SPATA31F1: variants seen among roughly 807,000 people sequenced by gnomAD.
The protein encoded by SPATA31F1 is protein SPATA31F1.
chr9:34,728,266 A>AT, the SPATA31F1 span, among the ~76,000 whole-genome samples: 4 of 152,138 alleles, frequency 2.6e-5, no homozygotes, highest in Admixed American at 2.6e-4. Context: ...ATTTCATTTG[A>AT]TTTTTACAAC....
At chr9:34,729,022 G>A in the SPATA31F1 span, among the ~76,000 whole-genome samples, 1 of 152,302 alleles carries the variant, frequency 6.6e-6, no homozygotes, top group Non-Finnish European at 1.5e-5. Flanking sequence ...TATTCAGAGA[G>A]CTTCCGAGAT....
chr9:34,728,220 A>G, the SPATA31F1 span: 1 of 704,226 alleles, frequency 1.4e-6, no homozygotes, highest in Admixed American at 3.0e-5. Context: ...GGCATGTCTG[A>G]GTACAGCATC....
chr9:34,724,315 G>A, the SPATA31F1 span: 3 of 1,551,376 alleles, frequency 1.9e-6, no homozygotes, highest in South Asian at 1.2e-5. Flanking sequence ...ATTGCTTTTG[G>A]TTCTGCTGCA....
the SPATA31F1 span, chr9:34,726,143 C>G: frequency 5.2e-6 from 7 of 1,343,788 alleles, 1 homozygote; most frequent in South Asian, 4.0e-5. Context: ...GATGGGCTGG[C>G]CAGCCACACA....
chr9:34,723,095 A>G, the SPATA31F1 span: 1 of 1,045,106 alleles, frequency 9.6e-7, no homozygotes, highest in Non-Finnish European at 1.4e-6. Flanking sequence ...CATCTGTCCC[A>G]CCTGCACATT....
chr9:34,728,750 T>G, the SPATA31F1 span: 1 of 1,126,276 alleles, frequency 8.9e-7, no homozygotes, highest in Non-Finnish European at 1.3e-6. Flanking sequence ...TTCACTCGCT[T>G]TGTATATATC....
At chr9:34,724,713 GA>G in the SPATA31F1 span, 8 of 1,551,032 alleles carry the variant, frequency 5.2e-6, no homozygotes, top group Non-Finnish European at 8.7e-7. Flanking sequence ...TTGTTGCCTT[GA>G]GGGCATGGCC....
At chr9:34,728,756 A>G in the SPATA31F1 span, 1 of 1,076,550 alleles carries the variant, frequency 9.3e-7, no homozygotes. Flanking sequence ...CGCTTTGTAT[A>G]TATCTATCTG....
At chr9:34,727,897 C>G in the SPATA31F1 span, 22 of 859,704 alleles carry the variant, frequency 2.6e-5, no homozygotes, top group Non-Finnish European at 3.0e-5. Context: ...CCCAGTGTCC[C>G]TGCTTCCACT....
the SPATA31F1 span, chr9:34,723,858 C>T: frequency 6.4e-7 from 1 of 1,551,696 alleles, no homozygotes; most frequent in South Asian, 1.2e-5. Context: ...TCCCCAGGGA[C>T]TCGTGGAGGT....
chr9:34,725,848 G>C, the SPATA31F1 span: 1 of 1,551,694 alleles, frequency 6.4e-7, no homozygotes. Context: ...GATCCTTCAA[G>C]GGGGGCTTGG....
At chr9:34,727,981 C>A in the SPATA31F1 span, 1 of 1,538,430 alleles carries the variant, frequency 6.5e-7, no homozygotes, top group Non-Finnish European at 8.8e-7. Flanking sequence ...TCATCATAGG[C>A]CAGGCTGGTT....
At chr9:34,729,155 A>G in the SPATA31F1 span, 1 of 1,141,980 alleles carries the variant, frequency 8.8e-7, no homozygotes, top group African/African-American at 1.6e-5. Context: ...CTGAGAAGAA[A>G]AGTATTACAC....
the SPATA31F1 span, among the ~76,000 whole-genome samples, chr9:34,727,688 A>T: frequency 6.6e-6 from 1 of 152,202 alleles, no homozygotes; most frequent in Non-Finnish European, 1.5e-5. Context: ...GACAAGGATG[A>T]CTTCTTTATT....
chr9:34,727,064 A>C, the SPATA31F1 span: 2 of 1,487,700 alleles, frequency 1.3e-6, no homozygotes, highest in Non-Finnish European at 1.8e-6. Flanking sequence ...TGGAGTGGGC[A>C]CTCTCCTTTC....
the SPATA31F1 span, chr9:34,725,101 A>T: frequency 6.5e-7 from 1 of 1,550,100 alleles, no homozygotes; most frequent in Non-Finnish European, 8.7e-7. Flanking sequence ...GAATGCAGGG[A>T]AAAGGAGCCA....
chr9:34,726,841 C>T, the SPATA31F1 span: 1 of 1,551,802 alleles, frequency 6.4e-7, no homozygotes. Flanking sequence ...AGGAGCCCTG[C>T]AATGGCCCCG....
chr9:34,729,149 G>A, the SPATA31F1 span: 1 of 1,100,298 alleles, frequency 9.1e-7, no homozygotes, highest in Non-Finnish European at 1.3e-6. Context: ...TAGTCTCTGA[G>A]AAGAAAAGTA....
the SPATA31F1 span, chr9:34,729,385 AG>A: frequency 6.4e-7 from 1 of 1,551,548 alleles, no homozygotes; most frequent in African/African-American, 1.4e-5. Context: ...TAGATGTATA[AG>A]GGATATCCAA....
Sources: allele counts gnomAD v4.1 joint callset (sites outside exome capture counted in the v4.1 genomes callset), GRCh38; gene constraint gnomAD v4.1.1; transcripts MANE v1.5; gene names NCBI Gene and HGNC (gene_info 2026-07-23, HGNC 2026-07-21).